RASGRP3: variants seen among roughly 807,000 people sequenced by gnomAD.
RASGRP3 encodes ras guanyl-releasing protein 3.
A neutral mutation model predicts 82.7 loss-of-function variants in RASGRP3; 54 were observed. That is an observed-to-expected ratio of 0.65 (90% CI 0.52 to 0.82). The LOEUF (loss-of-function observed/expected upper bound fraction) is 0.82, where lower values mean the gene tolerates loss of function less well. Among genes scored for constraint, RASGRP3 ranks in the 40% least tolerant of loss-of-function variants. The pLI is 0.00. For synonymous variants in RASGRP3, 309 were observed against 300.5 expected (o/e 1.03, Z -0.29); for missense variants, 861 against 828.9 (o/e 1.04, Z -0.48).
intron 12 of RASGRP3, among the ~76,000 whole-genome samples, chr2:33,542,894 T>C (rs1031102293): frequency 2.0e-5 from 3 of 152,188 alleles, no homozygotes; most frequent in African/African-American, 7.2e-5. Flanking sequence ...GGTTTCATCA[T>C]GTTGGTCAGG....
At position 33,524,042 on chromosome 2, in the gene RASGRP3, A is replaced by G. The variant is rs564758640; in HGVS notation, c.680A>G (p.Asn227Ser). The G allele has an allele frequency of 5.1e-5, 83 of 1,613,836 alleles. 1 individual carries two copies. The highest frequency in any genetic ancestry group is 4.1e-4 in the South Asian group (37 of 91,054). ...QRAEVITKFI[N>S]VAKKLLQLKN... ...GCAGAAGTCATCACAAAGTTTATCA[A>G]TGTTGCAAAGGTATGTCTGGTAATC... Residue 227 changes from asparagine (N) to serine (S), a missense_variant, in exon 8 of 18, where the codon AAT becomes AGT. By Grantham distance (46) the Asn-to-Ser change is conservative. Transcript: ENST00000403687.
intron 12 of RASGRP3, among the ~76,000 whole-genome samples, chr2:33,540,790 T>A (rs958087391): frequency 6.9e-6 from 1 of 145,844 alleles, no homozygotes; most frequent in Non-Finnish European, 1.5e-5. Flanking sequence ...TGTTAAACTA[T>A]AAATAGTAGG....
intron 1 of RASGRP3, among the ~76,000 whole-genome samples, chr2:33,494,169 A>C (rs184005597): frequency 1.1e-3 from 169 of 152,306 alleles, no homozygotes; most frequent in Non-Finnish European, 2.2e-3. Flanking sequence ...CTAAGTAAAA[A>C]AATCCCCTTG....
At chr2:33,492,274 T>G (rs1434605151) in intron 1 of RASGRP3, among the ~76,000 whole-genome samples, 2 of 152,224 alleles carry the variant, frequency 1.3e-5, no homozygotes, top group African/African-American at 2.4e-5. Context: ...GCAATTGACC[T>G]TTGTGTGTTT....
intron 1 of RASGRP3, among the ~76,000 whole-genome samples, chr2:33,501,195 C>G (rs945772985): frequency 1.3e-5 from 2 of 152,278 alleles, no homozygotes; most frequent in South Asian, 2.1e-4. Context: ...TATGTCTGGC[C>G]TCTTTCACTT....
chr2:33,558,629 AGCAGTCAG>A (rs1480847301), intron 16 of RASGRP3, 35 bp from the exon 17 acceptor site: 2 of 1,497,162 alleles, frequency 1.3e-6, no homozygotes, highest in Admixed American at 3.9e-5. Context: ...TTTGCTGTCA[AGCAGTCAG>A]ATGTCAAATA....
intron 11 of RASGRP3, among the ~76,000 whole-genome samples, chr2:33,536,881 G>A (rs1453402180): frequency 6.6e-6 from 1 of 152,142 alleles, no homozygotes; most frequent in African/African-American, 2.4e-5. Flanking sequence ...GTGCTTTTGG[G>A]CTCTGGCCCC....
rs1672086696 is a variant in RASGRP3 at position 33,522,054 on chromosome 2, G to T, written c.468G>T (p.Leu156Phe). ...LLFDHLEPIE[L>F]AEHLTFLEHK... ...TTGACCATCTGGAGCCCATTGAATT[G>T]GCTGAGCACCTCACTTTTCTGGAGC... Residue 156 changes from leucine (L) to phenylalanine (F), a missense_variant, in exon 7 of 18, where the codon TTG (leucine) becomes TTT (phenylalanine). Transcript: ENST00000403687. 6.2e-7 allele frequency: 1 copy of T among 1,613,154 alleles called. No homozygotes were observed. The highest frequency in any genetic ancestry group is 1.3e-5 in the African/African-American group (1 of 74,860).
rs535155226 is a variant in RASGRP3, at chr2:33,479,344, G to A, written c.-261+2637G>A. Among the ~76,000 whole-genome samples the A allele has an allele frequency of 2.0e-5, 3 of 152,188 alleles. No homozygotes were observed. In the East Asian group the frequency reaches 5.8e-4, roughly 29 times the overall value. On this transcript the variant is annotated intron_variant, in intron 1 of 17. Transcript: ENST00000403687. ...ACTTTGTTATTAACCTCCAGCACAC[G>A]GCTCCCATGCCCCTTCTGGCCTTTC...
chr2:33,515,338 C>A, intron 3 of RASGRP3, 132 bp downstream of exon 3: 2 of 842,820 alleles, frequency 2.4e-6, no homozygotes, highest in East Asian at 2.6e-5. Context: ...CGGATGGACC[C>A]GGGTCTGTCT....
chr2:33,493,258 A>C (rs1669015692), intron 1 of RASGRP3: 1 of 152,240 alleles, frequency 6.6e-6, no homozygotes, highest in Non-Finnish European at 1.5e-5. Context: ...AGACGAATCC[A>C]CTTATCCCAT....
At chr2:33,507,902 G>A (rs1305791475) in intron 1 of RASGRP3, among the ~76,000 whole-genome samples, 2 of 152,216 alleles carry the variant, frequency 1.3e-5, no homozygotes, top group East Asian at 3.8e-4. Flanking sequence ...ACTGTGGATG[G>A]GGAAACCAGT....
At chr2:33,474,690 A>G (rs1667254600), upstream of RASGRP3, among the ~76,000 whole-genome samples, 1 of 152,090 alleles carries the variant, frequency 6.6e-6, no homozygotes, top group African/African-American at 2.4e-5. Context: ...ATCTGCTCCC[A>G]CTTTGCCTTC....
chr2:33,442,883 GTTT>G (rs55978823), intron 1 of RASGRP3, among the ~76,000 whole-genome samples: 2 of 138,568 alleles, frequency 1.4e-5, no homozygotes, highest in Admixed American at 1.4e-4. Flanking sequence ...AATCACTATT[GTTT>G]TTTTTTTTTT....
intron 1 of RASGRP3, among the ~76,000 whole-genome samples, chr2:33,438,404 T>C (rs35349847): frequency 0.38 from 58,436 of 151,842 alleles, 12,361 homozygotes; most frequent in East Asian, 0.63. Context: ...CTCTACTAAA[T>C]ATACAAAATT....
intron 17 of RASGRP3, 25 bp downstream of exon 17, chr2:33,559,055 G>GA: frequency 1.0e-5 from 16 of 1,536,872 alleles, no homozygotes; most frequent in Non-Finnish European, 1.4e-5. Flanking sequence ...AACCCACAAA[G>GA]AAAACCAGAA....
chr2:33,515,227 C>G, intron 3 of RASGRP3, 21 bp downstream of exon 3: 1 of 1,612,376 alleles, frequency 6.2e-7, no homozygotes, highest in Non-Finnish European at 8.5e-7. Flanking sequence ...TTTCTCCTTT[C>G]ATCTCTTTTG....
chr2:33,462,454 T>G (rs1574251959), intron 2 of RASGRP3, among the ~76,000 whole-genome samples: 1 of 150,878 alleles, frequency 6.6e-6, no homozygotes, highest in East Asian at 2.0e-4. Context: ...ATCGGCACAC[T>G]GCAACCTACA....
At chr2:33,472,333 A>G (rs549032121), upstream of RASGRP3, among the ~76,000 whole-genome samples, 1 of 152,348 alleles carries the variant, frequency 6.6e-6, no homozygotes, top group African/African-American at 2.4e-5. Flanking sequence ...AGGCAGCTAG[A>G]GTGGGAGTGA....
Sources: gnomAD v4.1 joint callset for allele counts (sites outside exome capture counted in the v4.1 genomes callset) on GRCh38, gnomAD v4.1.1 for gene constraint, MANE v1.5 for transcripts, NCBI Gene and HGNC (gene_info 2026-07-23, HGNC 2026-07-21) for gene names.